The following CDH10 variants were observed in gnomAD, a reference collection of about 807,000 sequenced individuals.
CDH10 encodes the protein cadherin-10.
Under a neutral mutation model 73.1 loss-of-function variants are expected in CDH10, and 30 were observed. The observed-to-expected ratio is 0.41, with a 90% CI of 0.31 to 0.56. The LOEUF is 0.56. Among genes scored for constraint, CDH10 ranks in the 20% least tolerant of loss-of-function variants. The pLI is 0.27. For synonymous variants in CDH10, 345 were observed against 348.2 expected, an observed-to-expected ratio of 0.99 and a Z score of 0.10; for missense variants, 815 against 973.7, an observed-to-expected ratio of 0.84 and a Z score of 2.17.
intron 5 of CDH10, among the ~76,000 whole-genome samples, chr5:24,524,637 C>T (rs1456851965): frequency 6.6e-6 from 1 of 152,032 alleles, no homozygotes; most frequent in Non-Finnish European, 1.5e-5. Context: ...ATAAATATTT[C>T]TTCCTGGTGG....
chr5:24,572,935 G>GAAAAAAAAAAAAAAAAAAAAAAAA (rs55946839), intron 2 of CDH10, among the ~76,000 whole-genome samples: 1 of 72,116 alleles, frequency 1.4e-5, no homozygotes, highest in African/African-American at 5.5e-5. Context: ...CTTAGAAAAA[G>GAAAAAAAAAAAAAAAAAAAAAAAA]AAAAAAAAAA....
At chr5:24,583,846 T>C (rs6874028) in intron 2 of CDH10, among the ~76,000 whole-genome samples, 3,408 of 152,252 alleles carry the variant, frequency 0.022, 120 homozygotes, top group African/African-American at 0.073. Flanking sequence ...GGTTTCCTCA[T>C]CTTGGCCAGG....
chr5:24,572,935 G>GAAAAAAAAAAA (rs55946839), intron 2 of CDH10, among the ~76,000 whole-genome samples: 19 of 72,110 alleles, frequency 2.6e-4, no homozygotes, highest in African/African-American at 5.5e-4. Flanking sequence ...CTTAGAAAAA[G>GAAAAAAAAAAA]AAAAAAAAAA....
chr5:24,562,917 C>T (rs1221117748), intron 2 of CDH10, among the ~76,000 whole-genome samples: 1 of 152,154 alleles, frequency 6.6e-6, no homozygotes, highest in African/African-American at 2.4e-5. Flanking sequence ...AAGTTGTCAA[C>T]TTGATGAATG....
intron 5 of CDH10, among the ~76,000 whole-genome samples, chr5:24,534,538 C>A (rs74556648): frequency 0.015 from 2,231 of 152,104 alleles, 53 homozygotes; most frequent in African/African-American, 0.047. Flanking sequence ...TTTGAGAGGT[C>A]AGTTCAAAAT....
chr5:24,596,724 G>A (rs1195585045), intron 1 of CDH10, among the ~76,000 whole-genome samples: 1 of 151,786 alleles, frequency 6.6e-6, no homozygotes, highest in African/African-American at 2.4e-5. Context: ...CCCACTAATA[G>A]ACAATTCTGA....
chr5:24,499,750 T>G, intron 8 of CDH10, among the ~76,000 whole-genome samples: 1 of 151,702 alleles, frequency 6.6e-6, no homozygotes, highest in East Asian at 1.9e-4. Flanking sequence ...AAAATATAAA[T>G]ACCACTTTAT....
intron 5 of CDH10, among the ~76,000 whole-genome samples, chr5:24,525,041 C>T (rs1441731011): frequency 1.3e-5 from 2 of 151,982 alleles, no homozygotes; most frequent in Non-Finnish European, 2.9e-5. Flanking sequence ...ATTGACAGCT[C>T]ACGTGAGTAA....
intron 2 of CDH10, among the ~76,000 whole-genome samples, chr5:24,551,569 C>T (rs1249253859): frequency 1.3e-5 from 2 of 152,034 alleles, no homozygotes; most frequent in Non-Finnish European, 2.9e-5. Flanking sequence ...GTCTCACAGT[C>T]TCTTCACTTT....
chr5:24,569,983 C>A (rs1353002539), intron 2 of CDH10, among the ~76,000 whole-genome samples: 1 of 152,012 alleles, frequency 6.6e-6, no homozygotes, highest in Non-Finnish European at 1.5e-5. Flanking sequence ...ACGGGCTGTT[C>A]TCGAACTCCT....
chr5:24,600,242 A>T (rs1746513284), intron 1 of CDH10, among the ~76,000 whole-genome samples: 1 of 152,216 alleles, frequency 6.6e-6, no homozygotes, highest in Non-Finnish European at 1.5e-5. Flanking sequence ...TCCTTCAATT[A>T]TTGAGCTATA....
intron 1 of CDH10, among the ~76,000 whole-genome samples, chr5:24,606,414 C>A (rs1434218948): frequency 2.0e-5 from 3 of 152,070 alleles, no homozygotes; most frequent in Non-Finnish European, 2.9e-5. Flanking sequence ...AGTTCGAGAC[C>A]AGCTTGGCCA....
intron 1 of CDH10, among the ~76,000 whole-genome samples, chr5:24,628,444 A>G (rs756021614): frequency 4.6e-5 from 7 of 152,160 alleles, no homozygotes; most frequent in Non-Finnish European, 1.0e-4. Flanking sequence ...ATATGAGAAA[A>G]ATGCTAGGAG....
chr5:24,622,194 A>G lies in CDH10; in HGVS notation c.-124+22400T>C, dbSNP rs369678992. Among the ~76,000 whole-genome samples the G allele has an allele frequency of 1.2e-4, 19 of 152,352 alleles. 1 individual carries two copies. In the East Asian group the frequency reaches 1.4e-3, roughly 11 times the overall value. On this transcript the variant is annotated intron_variant, in intron 1 of 11. Coordinates refer to ENST00000264463, the MANE Select transcript of CDH10 (RefSeq NM_006727.5). ...TAGAACGAAGACTTCAGAAAATGTC[A>G]GCACAAACTCAAACTCACAAGTCAC...
At chr5:24,600,275 C>T (rs966829983) in intron 1 of CDH10, among the ~76,000 whole-genome samples, 2 of 152,108 alleles carry the variant, frequency 1.3e-5, no homozygotes, top group East Asian at 1.9e-4. Context: ...CCTCAGTGAA[C>T]CAGTTATTGA....
intron 9 of CDH10, among the ~76,000 whole-genome samples, chr5:24,495,457 A>G (rs939113372): frequency 6.6e-6 from 1 of 152,208 alleles, no homozygotes; most frequent in Non-Finnish European, 1.5e-5. Context: ...TAAGATATTT[A>G]AAGTTAGAAA....
chr5:24,554,490 G>A (rs867651169), intron 2 of CDH10, among the ~76,000 whole-genome samples: 2,700 of 150,642 alleles, frequency 0.018, 98 homozygotes, highest in African/African-American at 0.063. Context: ...GTGTGTGTGT[G>A]TGTGTGTGTG....
chr5:24,635,047 T>C (rs72752045), intron 1 of CDH10, among the ~76,000 whole-genome samples: 11,366 of 151,158 alleles, frequency 0.075, 494 homozygotes, highest in Middle Eastern at 0.12. Flanking sequence ...TTGATCTTCA[T>C]ATCACCTTGA....
intron 2 of CDH10, among the ~76,000 whole-genome samples, chr5:24,540,266 A>T (rs1744102498): frequency 6.6e-6 from 1 of 151,936 alleles, no homozygotes; most frequent in Non-Finnish European, 1.5e-5. Flanking sequence ...GCATTTTAGA[A>T]AGAACACTGC....
Sources: allele counts gnomAD v4.1 joint callset (sites outside exome capture counted in the v4.1 genomes callset), GRCh38; gene constraint gnomAD v4.1.1; transcripts MANE v1.5; gene names NCBI Gene and HGNC (gene_info 2026-07-23, HGNC 2026-07-21).